Variants in DDX42 observed in about 807,000 individuals in gnomAD.
DDX42 encodes the protein ATP-dependent RNA helicase DDX42.
In DDX42, 22 loss-of-function variants were observed where a neutral mutation model predicts 101.5. The ratio of observed to expected loss-of-function variants is 0.22; its 90% confidence interval spans 0.15 to 0.31. The LOEUF is 0.31. Among genes scored for constraint, DDX42 ranks in the 10% least tolerant of loss-of-function variants. The pLI is 1.00. For missense variants in DDX42, 849 were observed against 1,199.9 expected (o/e 0.71, Z 4.32); for synonymous variants, 402 against 401.2 (o/e 1.00, Z -0.02).
rs1474461608 is a variant in DDX42 at position 63,774,177 on chromosome 17, T to TC, written c.-210dup. ...TGCGCATGTCGCGTTTTTGTTCCCC[T>TC]CCCCCCTTCAGCAACGGGCCGTGAG... On this transcript the variant is annotated 5_prime_UTR_variant, in exon 1 of 18. Coordinates refer to ENST00000389924, the MANE Select transcript of DDX42 (RefSeq NM_203499.3). 5 of 225,142 alleles carry TC rather than the reference T, an allele frequency of 2.2e-5. 1 individual carries two copies. Among genetic ancestry groups the TC allele is most frequent in the South Asian group, 1.1e-4 (1 of 8,810 alleles). 13.9% of individuals were successfully genotyped at this position (225,142 alleles called of 1,614,324 possible).
At chr17:63,802,897 C>T (rs1429183684) in intron 6 of DDX42, among the ~76,000 whole-genome samples, 2 of 131,312 alleles carry the variant, frequency 1.5e-5, no homozygotes, top group Non-Finnish European at 3.1e-5. Flanking sequence ...GCAATAAGAA[C>T]AACACTCCAT....
intron 11 of DDX42, 38 bp downstream of exon 11, chr17:63,809,697 CATG>C (rs1434519538): frequency 6.5e-7 from 1 of 1,527,194 alleles, no homozygotes; most frequent in Non-Finnish European, 9.1e-7. Context: ...TCCCCATCCT[CATG>C]ATACTAGTTT....
In DDX42 at chr17:63,798,021, G is replaced by A. The variant is rs1329320858; in HGVS notation, c.373-17G>A. The A allele has an allele frequency of 1.2e-6, 2 of 1,605,924 alleles. No individual in the cohort carries two copies. Among genetic ancestry groups the A allele is most frequent in the East Asian group, 4.5e-5 (2 of 44,636 alleles). ...TTTTTAGTTGATGTCATTCTATACA[G>A]CCTTTTGTTTCATTAGGATCAGGCA... On this transcript the variant is annotated splice_polypyrimidine_tract_variant and intron_variant, in intron 3 of 17. Transcript: ENST00000389924.
At chr17:63,789,676 C>T (rs2039601947) in intron 2 of DDX42, among the ~76,000 whole-genome samples, 1 of 149,902 alleles carries the variant, frequency 6.7e-6, no homozygotes, top group Non-Finnish European at 1.5e-5. Context: ...TGGGTTCAAG[C>T]AATTCTCCTG....
intron 1 of DDX42, chr17:63,775,091 C>T (rs1284415175): frequency 6.6e-6 from 1 of 152,650 alleles, no homozygotes; most frequent in East Asian, 1.9e-4. Flanking sequence ...TCTGTCCTCT[C>T]TCGTATACAC....
chr17:63,795,806 CAACTT>C lies in DDX42; in HGVS notation c.373-2229_373-2225del, dbSNP rs1203472921. Reference sequence around the variant, plus strand: ...TGAATTTGCCATCTTTGATTTATAACAACTTAAGTTACTTACTGAAGAATATACAC... The same window carrying C: ...TGAATTTGCCATCTTTGATTTATAACAAGTTACTTACTGAAGAATATACAC... On this transcript the variant is annotated intron_variant, in intron 3 of 17. Coordinates refer to ENST00000389924, the MANE Select transcript of DDX42 (RefSeq NM_203499.3). 9.2e-5 allele frequency among the ~76,000 whole-genome samples: 14 copies of C among 152,222 alleles called. 1 individual carries two copies. The highest frequency in any genetic ancestry group is 2.7e-4 in the African/African-American group (11 of 41,462).
chr17:63,797,412 C>T (rs1598332281), intron 3 of DDX42, among the ~76,000 whole-genome samples: 1 of 150,434 alleles, frequency 6.6e-6, no homozygotes, highest in South Asian at 2.1e-4. Context: ...ACATTTAACT[C>T]ACTCCAGCCC....
At chr17:63,797,095 A>G (rs2665844) in intron 3 of DDX42, among the ~76,000 whole-genome samples, 106,474 of 151,976 alleles carry the variant, frequency 0.7, 38,747 homozygotes, top group African/African-American at 0.92. Context: ...ATCAATTTGC[A>G]GTATATAAAA....
Position 63,795,756 on chromosome 17 carries a change from G to A in DDX42, c.373-2282G>A, listed in dbSNP as rs147550742. On this transcript the variant is annotated intron_variant, in intron 3 of 17. Coordinates refer to ENST00000389924, the MANE Select transcript of DDX42 (RefSeq NM_203499.3). ...AGAGTACATTTCTGTAGAAGAATAT[G>A]CCTACTTATTTCCAGTTTGGTCTTT... 6.7e-3 allele frequency among the ~76,000 whole-genome samples: 1,020 copies of A among 152,290 alleles called. 7 individuals carry two copies. Among genetic ancestry groups the A allele is most frequent in the Non-Finnish European group, 0.01 (689 of 68,010 alleles).
intron 3 of DDX42, among the ~76,000 whole-genome samples, chr17:63,796,874 T>C (rs966790286): frequency 6.6e-6 from 1 of 152,158 alleles, no homozygotes; most frequent in African/African-American, 2.4e-5. Context: ...TTTCTCTTCA[T>C]CAGGAACATT....
chr17:63,811,050 CTA>C (rs752767838), intron 12 of DDX42, 24 bp from the exon 13 acceptor site: 1 of 1,595,900 alleles, frequency 6.3e-7, no homozygotes, highest in Non-Finnish European at 8.6e-7. Flanking sequence ...TATTGTTTCT[CTA>C]ACAGAATTTA....
chr17:63,800,967 TTTC>T (rs1243662142), intron 6 of DDX42, among the ~76,000 whole-genome samples: 1 of 122,948 alleles, frequency 8.1e-6, no homozygotes, highest in Non-Finnish European at 1.6e-5. Flanking sequence ...TTCTTTTTCT[TTTC>T]TTCTTTCTTT....
chr17:63,774,082 G>A (rs1224473891), upstream of DDX42: 1 of 225,502 alleles, frequency 4.4e-6, no homozygotes. Context: ...AGGCGTTCTG[G>A]AGCTTTAAGG....
Position 63,809,755 on chromosome 17 carries a change from TA to T in DDX42, c.1252+101del, listed in dbSNP as rs1408112927. ...ACTGTTTTTTCAGCATGAGAGAAGCTAAAAATACTCCTGGATGGGGTTAGAC... is the reference window on the plus strand; with the variant it reads ...ACTGTTTTTTCAGCATGAGAGAAGCTAAAATACTCCTGGATGGGGTTAGAC... On this transcript the variant is annotated intron_variant, in intron 11 of 17. Transcript: ENST00000389924. 4 of 928,442 alleles carry T rather than the reference TA, an allele frequency of 4.3e-6. No individual in the cohort carries two copies. In the East Asian group the frequency reaches 9.7e-5, roughly 23 times the overall value. 57.5% of individuals were successfully genotyped at this position (928,442 alleles called of 1,614,324 possible).
intron 9 of DDX42, 39 bp from the exon 10 acceptor site, chr17:63,808,775 TTGTTAG>T: frequency 6.2e-7 from 1 of 1,606,460 alleles, no homozygotes; most frequent in Non-Finnish European, 8.5e-7. Context: ...TGACAGGTAT[TTGTTAG>T]TGTCACAGTT....
At position 63,774,222 on chromosome 17, in the gene DDX42, TGGCGGCGGCGGTGGTGGTGGTGGC is replaced by T. The variant is rs58645301; in HGVS notation, c.-159_-136del. On this transcript the variant is annotated 5_prime_UTR_variant, in exon 1 of 18. Coordinates refer to ENST00000389924, the MANE Select transcript of DDX42 (RefSeq NM_203499.3). ...CGTGAGGCGGTGGCGGTGGTGGCGGTGGCGGCGGCGGTGGTGGTGGTGGCGGCGGCGGCGGCGAAGGGGGCGGAG... is the reference window on the plus strand; with the variant it reads ...CGTGAGGCGGTGGCGGTGGTGGCGGTGGCGGCGGCGGCGAAGGGGGCGGAG... 2,547 of 234,894 alleles carry T rather than the reference TGGCGGCGGCGGTGGTGGTGGTGGC, an allele frequency of 0.011. 62 individuals carry two copies. The highest frequency in any genetic ancestry group is 0.069 in the African/African-American group (2,271 of 33,068). 14.6% of individuals were successfully genotyped at this position (234,894 alleles called of 1,614,324 possible).
intron 11 of DDX42, 150 bp downstream of exon 11, chr17:63,809,809 T>A: frequency 1.6e-6 from 1 of 623,622 alleles, no homozygotes; most frequent in African/African-American, 1.8e-5. Flanking sequence ...GATGAACATT[T>A]TTAGGAGTTT....
At position 63,808,945 on chromosome 17, in the gene DDX42, C is replaced by T. The variant is rs372872675; in HGVS notation, c.1149C>T (p.Thr383=). 23 of 1,613,098 alleles carry T rather than the reference C, an allele frequency of 1.4e-5. No homozygotes were observed. The African/African-American group carries it at 3.1e-4, about 22-fold the overall frequency. Residue 383 remains threonine (T), a synonymous_variant, in exon 10 of 18, where the codon ACC becomes ACT. Coordinates refer to ENST00000389924, the MANE Select transcript of DDX42 (RefSeq NM_203499.3). ...LQEGAEIVVC[T]PGRLIDHVKK... ...AGGGGGCAGAGATTGTTGTGTGTACCCCAGTAAGTATGCCTTGTGTTTAAA... is the reference window on the plus strand; with the variant it reads ...AGGGGGCAGAGATTGTTGTGTGTACTCCAGTAAGTATGCCTTGTGTTTAAA...
At position 63,812,119 on chromosome 17, in the gene DDX42, A is replaced by G. The variant is rs1214321890; in HGVS notation, c.1586A>G (p.His529Arg). 1 of 1,614,250 alleles carries G rather than the reference A, an allele frequency of 6.2e-7. No homozygotes were observed. The highest frequency in any genetic ancestry group is 8.5e-7 in the Non-Finnish European group (1 of 1,180,040). The change falls in exon 14 of 18, where the codon CAT (histidine) becomes CGT (arginine). Residue 529 changes from histidine (H) to arginine (R), a missense_variant. His to Arg is a conservative substitution (Grantham distance 29, BLOSUM62 0). This residue lies in a region of DDX42 where 370 missense variants were observed against 608.8 expected (regional missense o/e 0.61). Transcript: ENST00000389924. ...GAGGGTCATAATCTTGGGCTGCTCC[A>G]TGGGGATATGGATCAGAGTGAGAGA... Reference protein sequence around the residue: ...KQEGHNLGLLHGDMDQSERNK... With the variant: ...KQEGHNLGLLRGDMDQSERNK...
Sources: gnomAD v4.1 joint callset for allele counts (sites outside exome capture counted in the v4.1 genomes callset) on GRCh38, gnomAD v4.1.1 for gene constraint, gnomAD v4.1.1 regional missense constraint, MANE v1.5 for transcripts, NCBI Gene and HGNC (gene_info 2026-07-23, HGNC 2026-07-21) for gene names.